Variants in LMNB1 observed in about 807,000 individuals in gnomAD.
The protein encoded by LMNB1 is lamin B1, also known as lamin-B1.
A neutral mutation model predicts 67.1 loss-of-function variants in LMNB1; 23 were observed. That is an observed-to-expected ratio of 0.34 (90% CI 0.25 to 0.49). The LOEUF is 0.49. Ranked by LOEUF, LMNB1 falls within the 20% of genes least tolerant of loss-of-function variation. The pLI is 0.99. For synonymous variants in LMNB1, 281 were observed against 282.9 expected, an observed-to-expected ratio of 0.99 and a Z score of 0.07; for missense variants, 634 against 746.5, an observed-to-expected ratio of 0.85 and a Z score of 1.76.
At chr5:126,812,930 C>T (rs966735203) in intron 5 of LMNB1, among the ~76,000 whole-genome samples, 8 of 152,014 alleles carry the variant, frequency 5.3e-5, no homozygotes, top group Non-Finnish European at 5.9e-5. Flanking sequence ...GGGGTTTCAC[C>T]GTGTTAGCCA....
chr5:126,828,830 G>A (rs1284070877), intron 9 of LMNB1, among the ~76,000 whole-genome samples: 3 of 152,126 alleles, frequency 2.0e-5, no homozygotes. Context: ...AAAGTGCTGG[G>A]ATTACAGGTG....
intron 4 of LMNB1, 31 bp downstream of exon 4, chr5:126,810,381 A>C: frequency 6.6e-7 from 1 of 1,526,226 alleles, no homozygotes; most frequent in Non-Finnish European, 9.0e-7. Flanking sequence ...TCTTTTGAAC[A>C]CTTAAAATCA....
In LMNB1 at chr5:126,804,998, G is replaced by A. The variant is rs926246287; in HGVS notation, c.516+66G>A. On this transcript the variant is annotated intron_variant, in intron 2 of 10. Coordinates refer to ENST00000261366, the MANE Select transcript of LMNB1 (RefSeq NM_005573.4). ...ATTGCCTCATCTGCCTTAAGCCATA[G>A]TTTGATTGATTGATTGATTTTCAAA... is the stretch of plus-strand genomic sequence containing the variant. 1.6e-4 allele frequency: 210 copies of A among 1,282,682 alleles called. 1 individual carries two copies. The highest frequency in any genetic ancestry group is 3.1e-5 in the African/African-American group (2 of 65,504). 79.5% of individuals were successfully genotyped at this position (1,282,682 alleles called of 1,614,324 possible).
Position 126,786,585 on chromosome 5 carries a change from T to C in LMNB1, c.359+8718T>C, listed in dbSNP as rs549969098. ...TAGGGTGTTCACATACATAACCTTATTTCATCCATACAACAGTGTTCTACA... is the reference window on the plus strand; with the variant it reads ...TAGGGTGTTCACATACATAACCTTACTTCATCCATACAACAGTGTTCTACA... On this transcript the variant is annotated intron_variant, in intron 1 of 10. Transcript: ENST00000261366. Among the ~76,000 whole-genome samples, 447 of 152,316 alleles carry C rather than the reference T, an allele frequency of 2.9e-3. 2 individuals carry two copies. Among genetic ancestry groups the C allele is most frequent in the Admixed American group, 3.6e-3 (55 of 15,302 alleles).
intron 9 of LMNB1, among the ~76,000 whole-genome samples, chr5:126,832,014 C>T (rs968993814): frequency 1.3e-5 from 2 of 152,090 alleles, no homozygotes; most frequent in African/African-American, 4.8e-5. Context: ...GCCTGTAATC[C>T]CAGCACTTTG....
chr5:126,806,111 C>T (rs1280139716), intron 3 of LMNB1, among the ~76,000 whole-genome samples: 4 of 152,072 alleles, frequency 2.6e-5, no homozygotes, highest in African/African-American at 7.2e-5. Context: ...TGCGCCACCA[C>T]GCCCAGCTAA....
chr5:126,785,137 G>A (rs954207401), intron 1 of LMNB1, among the ~76,000 whole-genome samples: 1 of 141,138 alleles, frequency 7.1e-6, no homozygotes, highest in South Asian at 2.4e-4. Context: ...CCGCCACCAT[G>A]CCCGGCTAAT....
chr5:126,802,600 T>A (rs1441143949), intron 1 of LMNB1, among the ~76,000 whole-genome samples: 1 of 152,106 alleles, frequency 6.6e-6, no homozygotes, highest in African/African-American at 2.4e-5. Context: ...CACCCCACCA[T>A]GCCCTGCTAA....
In LMNB1 at chr5:126,832,802, G is replaced by T; in HGVS notation, c.1719+1G>T. On this transcript the variant is annotated splice_donor_variant, in intron 10 of 10. Coordinates refer to ENST00000261366, the MANE Select transcript of LMNB1 (RefSeq NM_005573.4). LOFTEE classifies it high-confidence loss of function. ...TGAGGAAGAACTTTTCCACCAGCAG[G>T]TATTACTTTATTTATTTAATATATT... The T allele has an allele frequency of 6.4e-7, 1 of 1,558,100 alleles. No homozygotes were observed. Among genetic ancestry groups the T allele is most frequent in the Non-Finnish European group, 8.8e-7 (1 of 1,139,976 alleles).
chr5:126,808,257 C>T (rs1281660296), intron 3 of LMNB1, among the ~76,000 whole-genome samples: 1 of 152,090 alleles, frequency 6.6e-6, no homozygotes, highest in Non-Finnish European at 1.5e-5. Context: ...GGTCTTGGCT[C>T]ACTGCAACCT....
chr5:126,799,637 A>G (rs1751213190), intron 1 of LMNB1, among the ~76,000 whole-genome samples: 1 of 152,134 alleles, frequency 6.6e-6, no homozygotes, highest in Admixed American at 6.5e-5. Flanking sequence ...CTTAGTTGGG[A>G]CCCTGTCTTA....
intron 3 of LMNB1, among the ~76,000 whole-genome samples, chr5:126,809,913 T>C (rs1359039044): frequency 6.6e-6 from 1 of 152,228 alleles, no homozygotes; most frequent in Non-Finnish European, 1.5e-5. Context: ...AGGCCTTTCC[T>C]TGGCTTCAGA....
chr5:126,827,073 C>A (rs1334684375), intron 9 of LMNB1, among the ~76,000 whole-genome samples: 2 of 152,156 alleles, frequency 1.3e-5, no homozygotes, highest in Non-Finnish European at 2.9e-5. Flanking sequence ...GCTGTTTGTA[C>A]CTTACAACCT....
chr5:126,779,698 G>A (rs1249845180), intron 1 of LMNB1, among the ~76,000 whole-genome samples: 1 of 151,982 alleles, frequency 6.6e-6, no homozygotes, highest in African/African-American at 2.4e-5. Context: ...AGGAGTTCGA[G>A]ACCAGCCTGA....
At chr5:126,789,917 C>T (rs1750907487) in intron 1 of LMNB1, among the ~76,000 whole-genome samples, 1 of 151,964 alleles carries the variant, frequency 6.6e-6, no homozygotes. Flanking sequence ...TCATGATCCA[C>T]CTGCCTCGGC....
chr5:126,778,323 C>T (rs1039346651), intron 1 of LMNB1, among the ~76,000 whole-genome samples: 2 of 152,026 alleles, frequency 1.3e-5, no homozygotes, highest in African/African-American at 4.8e-5. Context: ...GATGGGCGGC[C>T]GGGGAGGACT....
intron 1 of LMNB1, among the ~76,000 whole-genome samples, chr5:126,778,174 T>C (rs1750522661): frequency 6.6e-6 from 1 of 151,932 alleles, no homozygotes; most frequent in African/African-American, 2.4e-5. Flanking sequence ...GCTTTCGCAC[T>C]CGAATCCGGG....
intron 8 of LMNB1, among the ~76,000 whole-genome samples, chr5:126,824,650 C>G (rs1416857627): frequency 6.6e-6 from 1 of 152,156 alleles, no homozygotes; most frequent in African/African-American, 2.4e-5. Context: ...ATTAGGGAAA[C>G]ACTAACATTC....
chr5:126,791,021 CAATA>C (rs565456745), intron 1 of LMNB1, among the ~76,000 whole-genome samples: 12 of 151,836 alleles, frequency 7.9e-5, no homozygotes, highest in South Asian at 4.2e-4. Flanking sequence ...AACTCTGTCT[CAATA>C]AATAAATAAA....
Sources: allele counts gnomAD v4.1 joint callset (sites outside exome capture counted in the v4.1 genomes callset), GRCh38; gene constraint gnomAD v4.1.1; transcripts MANE v1.5; gene names NCBI Gene and HGNC (gene_info 2026-07-23, HGNC 2026-07-21).